Variants in TDP1 observed in about 807,000 individuals in gnomAD.
TDP1 encodes tyr-DNA phosphodiesterase 1.
In TDP1, 64 loss-of-function variants were observed where a neutral mutation model predicts 81.5. The ratio of observed to expected loss-of-function variants is 0.79; its 90% CI spans 0.64 to 0.97. The LOEUF (loss-of-function observed/expected upper bound fraction) is 0.97. Among genes scored for constraint, TDP1 ranks in the 50% least tolerant of loss-of-function variants. The pLI is 0.00. For synonymous variants in TDP1, 256 were observed against 264.3 expected, an observed-to-expected ratio of 0.97 and a Z score of 0.30; for missense variants, 723 against 743.8, an observed-to-expected ratio of 0.97 and a Z score of 0.33.
intron 3 of TDP1, chr14:89,965,869 A>G: frequency 1.0e-6 from 1 of 985,012 alleles, no homozygotes. Flanking sequence ...ATTATTGTCC[A>G]TATTGAGTTT....
intron 14 of TDP1, among the ~76,000 whole-genome samples, chr14:90,003,063 G>A (rs566655287): frequency 1.3e-5 from 2 of 152,018 alleles, no homozygotes; most frequent in Non-Finnish European, 2.9e-5. Context: ...TCAGCCTCCC[G>A]AGTAGCTGGG....
intron 8 of TDP1, among the ~76,000 whole-genome samples, chr14:89,983,431 G>A (rs765091096): frequency 1.2e-4 from 19 of 152,228 alleles, no homozygotes; most frequent in Non-Finnish European, 2.8e-4. Context: ...GTACGGCCGA[G>A]AGTCCTTGCA....
At position 90,044,208 on chromosome 14, in the gene TDP1, C is replaced by T. The variant is rs560424831; in HGVS notation, c.*1065C>T. ...CCAGAAACTTTCAGAGGAAGCAGCT[C>T]ATAGAAACATACAAAAGCACACAAG... On this transcript the variant is annotated 3_prime_UTR_variant, in exon 17 of 17. Transcript: ENST00000335725. 6.6e-6 allele frequency: 1 copy of T among 152,314 alleles called. No individual in the cohort carries two copies. Among genetic ancestry groups the T allele is most frequent in the African/African-American group, 2.4e-5 (1 of 41,576 alleles). The allele number at this position is 152,314 out of a possible 1,614,324, so 9.4% of individuals were successfully genotyped here.
intron 3 of TDP1, among the ~76,000 whole-genome samples, chr14:89,963,941 T>A (rs1892634332): frequency 6.6e-6 from 1 of 152,196 alleles, no homozygotes; most frequent in Non-Finnish European, 1.5e-5. Flanking sequence ...CTTTTTAAGA[T>A]GAAGCTTGAT....
intron 8 of TDP1, among the ~76,000 whole-genome samples, chr14:89,982,130 C>T (rs1279789687): frequency 2.0e-5 from 3 of 152,156 alleles, no homozygotes; most frequent in Admixed American, 6.5e-5. Context: ...TGTTCCCTCC[C>T]CACTCCCTTG....
intron 14 of TDP1, among the ~76,000 whole-genome samples, chr14:90,003,960 G>A (rs889780637): frequency 5.3e-5 from 8 of 152,036 alleles, no homozygotes; most frequent in Non-Finnish European, 1.2e-4. Context: ...AATAAAATTG[G>A]ATTACACAAG....
chr14:90,000,130 C>T (rs1038940705), intron 14 of TDP1, among the ~76,000 whole-genome samples: 18 of 152,130 alleles, frequency 1.2e-4, no homozygotes, highest in African/African-American at 3.9e-4. Context: ...GCTGTCAGCC[C>T]GGCGTTCTCG....
At chr14:90,006,924 T>G (rs1884099608) in intron 14 of TDP1, among the ~76,000 whole-genome samples, 1 of 151,854 alleles carries the variant, frequency 6.6e-6, no homozygotes, top group Admixed American at 6.6e-5. Context: ...AGCTCAAAAC[T>G]CTCTATCTGC....
At chr14:90,023,087 G>T (rs1285179809) in intron 15 of TDP1, 5 of 762,084 alleles carry the variant, frequency 6.6e-6, no homozygotes, top group African/African-American at 5.1e-5. Flanking sequence ...GGTAACGCAT[G>T]GATAAGCTGA....
intron 10 of TDP1, chr14:89,986,969 C>G (rs973816418): frequency 4.6e-5 from 7 of 152,196 alleles, no homozygotes; most frequent in Non-Finnish European, 8.8e-5. Flanking sequence ...CAAATGTTTT[C>G]TTAATTGTTT....
intron 6 of TDP1, among the ~76,000 whole-genome samples, chr14:89,972,980 CATATT>C (rs1313988434): frequency 2.0e-5 from 3 of 152,200 alleles, no homozygotes; most frequent in East Asian, 1.9e-4. Context: ...AATTCCAACT[CATATT>C]GTATCACTCT....
intron 6 of TDP1, chr14:89,975,369 C>T (rs978295472): frequency 1.0e-6 from 1 of 984,350 alleles, no homozygotes; most frequent in Admixed American, 6.1e-5. Flanking sequence ...AGCCACCGCA[C>T]CTGGCCTTCA....
chr14:89,959,596 C>T (rs751729937), intron 2 of TDP1, among the ~76,000 whole-genome samples: 80 of 152,296 alleles, frequency 5.3e-4, no homozygotes, highest in Admixed American at 3.1e-3. Flanking sequence ...TTTTGAGTTT[C>T]AGCAGGTCCA....
chr14:90,001,369 G>C (rs1236291692), intron 14 of TDP1, among the ~76,000 whole-genome samples: 1 of 152,084 alleles, frequency 6.6e-6, no homozygotes, highest in Non-Finnish European at 1.5e-5. Context: ...GTATATGGTT[G>C]CCATAGTTAC....
Position 90,002,952 on chromosome 14 carries a change from T to A in TDP1, c.1541+9469T>A, listed in dbSNP as rs955682148. On this transcript the variant is annotated intron_variant, in intron 14 of 16. Transcript: ENST00000335725. ...TTATTTTTATTTTATTTATTTATTT[T>A]TTTTGAGATGGAGTCTCGCCATTCA... is the stretch of plus-strand genomic sequence containing the variant. Among the ~76,000 whole-genome samples the A allele has an allele frequency of 1.8e-4, 27 of 151,508 alleles. No homozygotes were observed. The Middle Eastern group carries it at 0.01, about 57-fold the overall frequency.
chr14:89,981,585 C>G (rs1894983332), intron 8 of TDP1: 2 of 429,236 alleles, frequency 4.7e-6, no homozygotes. Flanking sequence ...TGTCATCCTC[C>G]TCTGCCTCAC....
At position 89,963,525 on chromosome 14, in the gene TDP1, G is replaced by A. The variant is rs1251924344; in HGVS notation, c.411G>A (p.Arg137=). Residue 137 remains arginine (R), a synonymous_variant, in exon 3 of 17, where the codon AGG becomes AGA. Transcript: ENST00000335725. The part of the protein sequence containing the change: ...TENHGAPACH[R]LKEEEDEYET... ...ATCATGGCGCTCCCGCCTGCCACAG[G>A]CTCAAAGAGGAGGAAGACGAGTATG... 1 of 1,606,312 alleles carries A rather than the reference G, an allele frequency of 6.2e-7. No homozygotes were observed. The highest frequency in any genetic ancestry group is 1.7e-5 in the Admixed American group (1 of 59,104).
chr14:89,988,856 T>C (rs890203821), intron 10 of TDP1, 49 bp from the exon 11 acceptor site: 9 of 1,612,854 alleles, frequency 5.6e-6, no homozygotes, highest in Non-Finnish European at 7.6e-6. Context: ...GCAGCATTTC[T>C]GTTAAGATTA....
rs1356385927 is a variant in TDP1, at chr14:89,993,390, A to G, written c.1448A>G (p.Glu483Gly). The change falls in exon 14 of 17, where the codon GAG (glutamate) becomes GGG (glycine). Residue 483 changes from glutamate to glycine, a missense_variant. Transcript: ENST00000335725. Reference protein sequence around the residue: ...LHSYFHKWSAETSGRSNAMPH... With the variant: ...LHSYFHKWSAGTSGRSNAMPH... The stretch of plus-strand genomic sequence containing the variant: ...TCTGTCACTAGCAAATGGTCAGCTG[A>G]GACTTCTGGCCGCAGCAATGCCATG... The G allele has an allele frequency of 1.2e-6, 2 of 1,613,452 alleles. No homozygotes were observed. The highest frequency in any genetic ancestry group is 1.3e-5 in the African/African-American group (1 of 74,902).
Sources: allele counts gnomAD v4.1 joint callset (sites outside exome capture counted in the v4.1 genomes callset), GRCh38; gene constraint gnomAD v4.1.1; transcripts MANE v1.5; gene names NCBI Gene and HGNC (gene_info 2026-07-23, HGNC 2026-07-21).